THSD7B: variants seen among roughly 807,000 people sequenced by gnomAD.
THSD7B encodes thrombospondin type 1 domain containing 7B.
Under a neutral mutation model 213.6 loss-of-function variants are expected in THSD7B, and 138 were observed. The ratio of observed to expected loss-of-function variants is 0.65; its 90% CI spans 0.56 to 0.74. THSD7B has a LOEUF of 0.74. THSD7B is among the 30% of genes least tolerant of loss of function. The probability of loss-of-function intolerance (pLI) is 0.00; values close to 1 mark genes in which losing one functional copy is unlikely to be tolerated. For synonymous variants in THSD7B, 742 were observed against 687.0 expected (o/e 1.08, Z -1.25); for missense variants, 1,931 against 1,991.5 (o/e 0.97, Z 0.58).
Position 137,115,257 on chromosome 2 carries a change from A to G in THSD7B, c.1333A>G (p.Ser445Gly). ...IQTREVYCAQ[S>G]VPAAAALRAK... ...GACCCGGGAGGTGTACTGTGCCCAG[A>G]GCGTACCAGCAGCTGCCGCACTGAG... Residue 445 changes from serine (S) to glycine (G), a missense_variant, in exon 5 of 28, where the codon AGC (serine) becomes GGC (glycine). By Grantham distance (56) the Ser-to-Gly change is moderately conservative (BLOSUM62 0). Coordinates refer to ENST00000409968, the MANE Select transcript of THSD7B (RefSeq NM_001316349.2). 3 of 1,604,208 alleles carry G rather than the reference A, an allele frequency of 1.9e-6. No homozygotes were observed. The highest frequency in any genetic ancestry group is 2.6e-6 in the Non-Finnish European group (3 of 1,175,614).
At chr2:136,779,099 A>G (rs1681671679) in intron 1 of THSD7B, among the ~76,000 whole-genome samples, 1 of 152,002 alleles carries the variant, frequency 6.6e-6, no homozygotes, top group African/African-American at 2.4e-5. Flanking sequence ...TTTTATTTTT[A>G]TGAAGTGTGT....
chr2:137,169,730 G>A (rs1327789108), intron 6 of THSD7B, among the ~76,000 whole-genome samples: 2 of 152,180 alleles, frequency 1.3e-5, no homozygotes, highest in East Asian at 1.9e-4. Flanking sequence ...AAAGGTAGAC[G>A]TAGCCTTTAG....
At chr2:137,316,377 C>T (rs541856637) in intron 12 of THSD7B, among the ~76,000 whole-genome samples, 8 of 152,356 alleles carry the variant, frequency 5.3e-5, no homozygotes, top group African/African-American at 1.7e-4. Context: ...CCAGGTTTCC[C>T]TGATGAGTTC....
At chr2:137,276,449 A>G (rs1682873881) in intron 12 of THSD7B, among the ~76,000 whole-genome samples, 2 of 152,144 alleles carry the variant, frequency 1.3e-5, no homozygotes, top group South Asian at 4.1e-4. Context: ...CTTAATGATC[A>G]TAGGATATGT....
At chr2:137,549,173 C>G (rs1303279741) in intron 15 of THSD7B, among the ~76,000 whole-genome samples, 1 of 152,040 alleles carries the variant, frequency 6.6e-6, no homozygotes, top group African/African-American at 2.4e-5. Context: ...CTTTCTGATT[C>G]ACTTCACCTT....
intron 12 of THSD7B, among the ~76,000 whole-genome samples, chr2:137,373,457 A>G (rs1685579061): frequency 6.6e-6 from 1 of 152,182 alleles, no homozygotes; most frequent in African/African-American, 2.4e-5. Flanking sequence ...AGTGATGGTG[A>G]GCATTTTTTC....
At chr2:137,077,173 G>T (rs1687644079) in intron 3 of THSD7B, among the ~76,000 whole-genome samples, 1 of 152,018 alleles carries the variant, frequency 6.6e-6, no homozygotes, top group African/African-American at 2.4e-5. Flanking sequence ...TTTTATGGCT[G>T]CATAGTATTC....
chr2:137,019,497 C>A (rs981851103), intron 2 of THSD7B, among the ~76,000 whole-genome samples: 4 of 152,144 alleles, frequency 2.6e-5, no homozygotes. Flanking sequence ...TGCTGCTGAA[C>A]TATTTTGAAC....
intron 2 of THSD7B, among the ~76,000 whole-genome samples, chr2:136,957,712 A>G (rs899075413): frequency 3.3e-5 from 5 of 152,178 alleles, no homozygotes; most frequent in African/African-American, 1.2e-4. Context: ...ATAAATGTGA[A>G]AAGTTTGAGG....
intron 14 of THSD7B, among the ~76,000 whole-genome samples, chr2:137,418,072 T>C (rs1484579260): frequency 6.6e-6 from 1 of 152,218 alleles, no homozygotes; most frequent in Non-Finnish European, 1.5e-5. Context: ...TTTCGTGTTG[T>C]GATTTTGCCT....
chr2:137,106,440 C>A (rs1200774300), intron 4 of THSD7B, among the ~76,000 whole-genome samples: 3 of 152,086 alleles, frequency 2.0e-5, no homozygotes, highest in Non-Finnish European at 4.4e-5. Context: ...AACTATAACA[C>A]CCTGGAAGAA....
chr2:137,285,829 C>A (rs183629238), intron 12 of THSD7B, among the ~76,000 whole-genome samples: 2 of 151,902 alleles, frequency 1.3e-5, no homozygotes, highest in Non-Finnish European at 2.9e-5. Flanking sequence ...TATGGCTGGG[C>A]GCAGTGGCTC....
In THSD7B at chr2:137,046,559, G is replaced by A. The variant is rs576217500; in HGVS notation, c.140-9861G>A. 5.3e-5 allele frequency among the ~76,000 whole-genome samples: 8 copies of A among 151,896 alleles called. No individual in the cohort carries two copies. In the East Asian group the frequency reaches 1.4e-3, roughly 26 times the overall value. On this transcript the variant is annotated intron_variant, in intron 2 of 27. Coordinates refer to ENST00000409968, the MANE Select transcript of THSD7B (RefSeq NM_001316349.2). ...AGCCTGGCCAACATGGCGAAACACC[G>A]TCTCTACTAAAAATACAAAAATTAG...
chr2:137,170,464 A>C (rs1680223884), intron 6 of THSD7B, among the ~76,000 whole-genome samples: 1 of 152,160 alleles, frequency 6.6e-6, no homozygotes, highest in Admixed American at 6.5e-5. Context: ...ATACCATAGG[A>C]CTTACGCTAC....
intron 1 of THSD7B, among the ~76,000 whole-genome samples, chr2:136,830,708 C>G (rs980000875): frequency 6.6e-6 from 1 of 152,128 alleles, no homozygotes; most frequent in Non-Finnish European, 1.5e-5. Flanking sequence ...TTAGCTATTT[C>G]AAATGGGTAT....
intron 12 of THSD7B, among the ~76,000 whole-genome samples, chr2:137,400,108 AT>A (rs1447883211): frequency 6.6e-6 from 1 of 151,604 alleles, no homozygotes; most frequent in Non-Finnish European, 1.5e-5. Flanking sequence ...TGATTTTCTA[AT>A]TTTTTTGTCT....
chr2:137,324,853 C>T (rs943429430), intron 12 of THSD7B, among the ~76,000 whole-genome samples: 1 of 152,192 alleles, frequency 6.6e-6, no homozygotes, highest in African/African-American at 2.4e-5. Flanking sequence ...ATATTACTGA[C>T]CCGTTTCTGA....
intron 10 of THSD7B, among the ~76,000 whole-genome samples, chr2:137,254,076 T>C (rs561848750): frequency 1.0e-3 from 153 of 152,270 alleles, no homozygotes; most frequent in Non-Finnish European, 2.1e-3. Context: ...TGCTCATGGT[T>C]TAGACAAACA....
At chr2:137,125,570 C>A (rs565879678) in intron 5 of THSD7B, among the ~76,000 whole-genome samples, 2 of 152,252 alleles carry the variant, frequency 1.3e-5, no homozygotes, top group South Asian at 4.1e-4. Flanking sequence ...TCTTGAATAC[C>A]TCAAAGTCAT....
Sources: allele counts gnomAD v4.1 joint callset (sites outside exome capture counted in the v4.1 genomes callset), GRCh38; gene constraint gnomAD v4.1.1; transcripts MANE v1.5; gene names NCBI Gene and HGNC (gene_info 2026-07-23, HGNC 2026-07-21).